The following SV2C variants were observed in gnomAD, a reference collection of about 807,000 sequenced individuals.
The protein encoded by SV2C is solute carrier family 22 member B3.
SV2C carries 49 observed loss-of-function variants against 79.7 expected under a neutral mutation model. That is an observed-to-expected ratio of 0.61 (90% CI 0.49 to 0.78). The LOEUF is 0.78. SV2C is among the 30% of genes least tolerant of loss of function. The probability of loss-of-function intolerance (pLI) is 0.00; values close to 1 mark genes in which losing one functional copy is unlikely to be tolerated. For synonymous variants in SV2C, 334 were observed against 333.2 expected (o/e 1.00, Z -0.03); for missense variants, 833 against 912.9 (o/e 0.91, Z 1.13).
At chr5:76,248,508 A>G (rs1746014718) in intron 4 of SV2C, among the ~76,000 whole-genome samples, 1 of 152,106 alleles carries the variant, frequency 6.6e-6, no homozygotes, top group South Asian at 2.1e-4. Flanking sequence ...TCCAATATAG[A>G]TCTGAGGTAC....
intron 9 of SV2C, among the ~76,000 whole-genome samples, chr5:76,296,341 C>T (rs933985052): frequency 6.6e-6 from 1 of 152,194 alleles, no homozygotes; most frequent in Non-Finnish European, 1.5e-5. Context: ...GTCTTCTATT[C>T]CTGAGAAACA....
chr5:76,034,502 A>G, the SV2C span, among the ~76,000 whole-genome samples: 3 of 152,186 alleles, frequency 2.0e-5, no homozygotes, highest in African/African-American at 7.2e-5. Flanking sequence ...ATCTGTTGAG[A>G]TAATCATGTG....
chr5:75,898,153 C>A, the SV2C span, among the ~76,000 whole-genome samples: 1 of 152,140 alleles, frequency 6.6e-6, no homozygotes, highest in Non-Finnish European at 1.5e-5. Context: ...TGCCAGTTTC[C>A]AAAGGGAATG....
At chr5:76,208,969 T>C (rs974076520) in intron 3 of SV2C, among the ~76,000 whole-genome samples, 4 of 152,218 alleles carry the variant, frequency 2.6e-5, no homozygotes, top group African/African-American at 9.6e-5. Flanking sequence ...AACCCTCATT[T>C]GAGCACCCTT....
intron 4 of SV2C, among the ~76,000 whole-genome samples, chr5:76,280,581 A>G (rs977291028): frequency 6.6e-6 from 1 of 152,182 alleles, no homozygotes; most frequent in Non-Finnish European, 1.5e-5. Flanking sequence ...AGCTGTCAAG[A>G]TGGAGCCCGG....
intron 2 of SV2C, among the ~76,000 whole-genome samples, chr5:76,180,117 A>G (rs1308083013): frequency 6.6e-6 from 1 of 152,234 alleles, no homozygotes; most frequent in Non-Finnish European, 1.5e-5. Context: ...GGACTTAAGC[A>G]GTGAGAGTCC....
chr5:75,859,261 A>C, the SV2C span, among the ~76,000 whole-genome samples: 4 of 152,208 alleles, frequency 2.6e-5, no homozygotes, highest in Non-Finnish European at 5.9e-5. Context: ...TATCATTTGA[A>C]TGAATCCAGA....
rs565793677 is a variant in SV2C at position 76,188,803 on chromosome 5, AG to A, written c.581-6113del. The stretch of plus-strand genomic sequence containing the variant: ...CTACTTAGCATCTTGGGTGGGGGGC[AG>A]GGACAGCTGGAGAGGGACAGTGGTC... On this transcript the variant is annotated intron_variant, in intron 2 of 12. Transcript: ENST00000502798. Among the ~76,000 whole-genome samples the A allele has an allele frequency of 1.1e-3, 161 of 151,302 alleles. 1 individual carries two copies. The highest frequency in any genetic ancestry group is 3.8e-3 in the African/African-American group (158 of 41,352).
At chr5:76,144,195 G>A (rs1242989098) in intron 2 of SV2C, among the ~76,000 whole-genome samples, 1 of 152,112 alleles carries the variant, frequency 6.6e-6, no homozygotes, top group Non-Finnish European at 1.5e-5. Context: ...GGAATGAAGA[G>A]CTATTTATCA....
chr5:76,288,194 T>C (rs1479865943), intron 6 of SV2C, among the ~76,000 whole-genome samples: 2 of 152,128 alleles, frequency 1.3e-5, no homozygotes, highest in African/African-American at 4.8e-5. Flanking sequence ...GGCTTATACC[T>C]AACAAACATC....
At chr5:75,991,731 T>C in the SV2C span, among the ~76,000 whole-genome samples, 2 of 151,418 alleles carry the variant, frequency 1.3e-5, no homozygotes, top group South Asian at 4.2e-4. Flanking sequence ...CATCAATTAA[T>C]CTGGAATGTA....
intron 4 of SV2C, among the ~76,000 whole-genome samples, chr5:76,241,524 C>T (rs1745785398): frequency 1.3e-5 from 2 of 152,274 alleles, no homozygotes; most frequent in South Asian, 4.1e-4. Context: ...AGAAACAGAA[C>T]CACTGCTCTT....
At chr5:76,232,908 A>G (rs1347323536) in intron 4 of SV2C, among the ~76,000 whole-genome samples, 1 of 142,956 alleles carries the variant, frequency 7.0e-6, no homozygotes, top group Non-Finnish European at 1.5e-5. Context: ...ATTAGGATTG[A>G]CTTGGCGATG....
intron 2 of SV2C, among the ~76,000 whole-genome samples, chr5:76,162,767 C>T (rs1407346807): frequency 6.6e-6 from 1 of 152,158 alleles, no homozygotes; most frequent in Non-Finnish European, 1.5e-5. Flanking sequence ...AACTGACTTG[C>T]TTGATCCTGT....
the SV2C span, among the ~76,000 whole-genome samples, chr5:76,039,429 G>A: frequency 6.6e-6 from 1 of 152,130 alleles, no homozygotes; most frequent in African/African-American, 2.4e-5. Flanking sequence ...AGCTAGAGGG[G>A]ATCTTAACTA....
chr5:76,350,956 T>C (rs1212884032), intron 12 of SV2C, among the ~76,000 whole-genome samples: 3 of 151,516 alleles, frequency 2.0e-5, no homozygotes, highest in Admixed American at 1.3e-4. Flanking sequence ...GGAGGTTACA[T>C]TGAGCCAAGA....
chr5:76,104,916 G>T (rs976290375), intron 1 of SV2C, among the ~76,000 whole-genome samples: 13 of 152,294 alleles, frequency 8.5e-5, no homozygotes, highest in African/African-American at 3.1e-4. Context: ...TCCTATTTCA[G>T]CAGATGATTC....
the SV2C span, among the ~76,000 whole-genome samples, chr5:75,915,900 A>G: frequency 6.6e-6 from 1 of 152,184 alleles, no homozygotes; most frequent in Non-Finnish European, 1.5e-5. Flanking sequence ...AAGAGAATGA[A>G]TATAATTCTT....
rs1465693948 is a variant in SV2C, at chr5:76,330,161, T to C, written c.*4614T>C. On this transcript the variant is annotated 3_prime_UTR_variant, in exon 13 of 13. Transcript: ENST00000502798. ...AACAGTTCTCCGTGTGATGTTCTTT[T>C]GCTCTAAATGTTGACCATTCCTCTT... 4 of 152,182 alleles carry C rather than the reference T, an allele frequency of 2.6e-5. No individual in the cohort carries two copies. The highest frequency in any genetic ancestry group is 4.4e-5 in the Non-Finnish European group (3 of 68,044). The allele number at this position is 152,182 out of a possible 1,614,324, so 9.4% of individuals were successfully genotyped here.
Sources: allele counts gnomAD v4.1 joint callset (sites outside exome capture counted in the v4.1 genomes callset), GRCh38; gene constraint gnomAD v4.1.1; transcripts MANE v1.5; gene names NCBI Gene and HGNC (gene_info 2026-07-23, HGNC 2026-07-21).